CAPN9: variants seen among roughly 807,000 people sequenced by gnomAD.
CAPN9 encodes the protein calpain 9.
A neutral mutation model predicts 92.8 loss-of-function variants in CAPN9; 81 were observed. The ratio of observed to expected loss-of-function variants is 0.87; its 90% CI spans 0.73 to 1.05. The LOEUF is 1.05. CAPN9 is among the 50% of genes least tolerant of loss of function. The probability of loss-of-function intolerance (pLI) is 0.00; values close to 1 mark genes in which losing one functional copy is unlikely to be tolerated. For missense variants in CAPN9, 848 were observed against 866.2 expected (o/e 0.98, Z 0.26); for synonymous variants, 304 against 328.0 (o/e 0.93, Z 0.79).
At chr1:230,776,354 G>C (rs1488286857) in intron 8 of CAPN9, 1 of 152,158 alleles carries the variant, frequency 6.6e-6, no homozygotes, top group Non-Finnish European at 1.5e-5. Context: ...CGAGGGTTAG[G>C]ATTCAACATA....
intron 1 of CAPN9, among the ~76,000 whole-genome samples, chr1:230,755,124 C>T (rs1340028163): frequency 1.3e-5 from 2 of 152,160 alleles, no homozygotes; most frequent in African/African-American, 2.4e-5. Flanking sequence ...AGGACCTCTC[C>T]CCGGCGGAGG....
At chr1:230,751,657 AAGAAAGAAAGAAAGAAAG>A (rs1664836241) in intron 1 of CAPN9, among the ~76,000 whole-genome samples, 1 of 66,372 alleles carries the variant, frequency 1.5e-5, no homozygotes, top group South Asian at 4.1e-4. Flanking sequence ...GAAAGAAAGA[AAGAAAGAAAGAAAGAAAG>A]AAAGAAAGAA....
chr1:230,784,973 A>G (rs1023147018), intron 11 of CAPN9, among the ~76,000 whole-genome samples: 4 of 152,170 alleles, frequency 2.6e-5, no homozygotes, highest in Admixed American at 6.5e-5. Context: ...TTGGGATCCC[A>G]CCCTTTGTAC....
intron 18 of CAPN9, among the ~76,000 whole-genome samples, chr1:230,796,962 A>G (rs576674203): frequency 6.6e-6 from 1 of 152,324 alleles, no homozygotes; most frequent in East Asian, 1.9e-4. Context: ...TTGCTGCAGT[A>G]TTATTTTAAC....
intron 19 of CAPN9, among the ~76,000 whole-genome samples, chr1:230,799,932 A>C (rs774988307): frequency 6.2e-4 from 95 of 152,022 alleles, no homozygotes; most frequent in Non-Finnish European, 1.2e-3. Flanking sequence ...TAATCCCAGC[A>C]CTCTGGGAGG....
chr1:230,760,098 G>T (rs937297545), intron 3 of CAPN9, among the ~76,000 whole-genome samples: 1 of 152,084 alleles, frequency 6.6e-6, no homozygotes. Flanking sequence ...CGTGTGACCC[G>T]CAGACCCTCA....
At chr1:230,796,011 G>C (rs28359730) in intron 18 of CAPN9, among the ~76,000 whole-genome samples, 190 of 147,944 alleles carry the variant, frequency 1.3e-3, no homozygotes, top group African/African-American at 4.7e-3. Context: ...AGGCCACTTC[G>C]AGGTATGAAT....
Position 230,767,728 on chromosome 1 carries a change from C to A in CAPN9, c.705+19C>A, listed in dbSNP as rs1352348917. 9 of 1,609,100 alleles carry A rather than the reference C, an allele frequency of 5.6e-6. No individual in the cohort carries two copies. In the African/African-American group the frequency reaches 1.1e-4, roughly 19 times the overall value. ...CATTGATGTAAGTTGCTCATGGGCT[C>A]CCATTCCAGGCACTATGCTGGGGCT... On this transcript the variant is annotated intron_variant, in intron 5 of 19. Coordinates refer to ENST00000271971, the MANE Select transcript of CAPN9 (RefSeq NM_006615.3).
At chr1:230,787,467 G>T in intron 12 of CAPN9, 55 bp from the exon 13 acceptor site, 1 of 1,499,492 alleles carries the variant, frequency 6.7e-7, no homozygotes, top group Non-Finnish European at 9.3e-7. Flanking sequence ...TGCTATTTTT[G>T]TCATGTTTCT....
chr1:230,767,812 G>GAGTTATGCCCCTCCTTGGGT, intron 5 of CAPN9, 103 bp downstream of exon 5: 1 of 1,111,494 alleles, frequency 9.0e-7, no homozygotes, highest in Non-Finnish European at 1.3e-6. Flanking sequence ...CCACACCCAA[G>GAGTTATGCCCCTCCTTGGGT]GAGGGGCATA....
At chr1:230,766,561 C>G (rs1224285543) in intron 4 of CAPN9, among the ~76,000 whole-genome samples, 1 of 152,136 alleles carries the variant, frequency 6.6e-6, no homozygotes, top group Non-Finnish European at 1.5e-5. Flanking sequence ...ACTGTCACAG[C>G]CACAAAAAGC....
chr1:230,751,206 C>T (rs1461895479), intron 1 of CAPN9, among the ~76,000 whole-genome samples: 1 of 152,190 alleles, frequency 6.6e-6, no homozygotes, highest in Non-Finnish European at 1.5e-5. Flanking sequence ...GGTGAGCTTG[C>T]CGTTCCCTGT....
chr1:230,787,773 A>G (rs931305650), intron 13 of CAPN9, among the ~76,000 whole-genome samples, 171 bp downstream of exon 13: 7 of 152,222 alleles, frequency 4.6e-5, no homozygotes, highest in Admixed American at 1.3e-4. Flanking sequence ...CACCCTGTTT[A>G]CAACATTTAC....
intron 19 of CAPN9, among the ~76,000 whole-genome samples, chr1:230,798,585 C>G (rs979554406): frequency 1.3e-5 from 2 of 152,176 alleles, no homozygotes; most frequent in Admixed American, 1.3e-4. Context: ...TGCTCACTCT[C>G]CCTTGCTCAT....
chr1:230,790,241 C>A, intron 14 of CAPN9, 52 bp downstream of exon 14: 2 of 1,607,314 alleles, frequency 1.2e-6, no homozygotes, highest in Non-Finnish European at 1.7e-6. Context: ...GGACAAGCGA[C>A]CACACTGCCT....
intron 8 of CAPN9, 113 bp downstream of exon 8, chr1:230,774,744 T>TTC (rs1558100247): frequency 2.9e-5 from 17 of 578,400 alleles, no homozygotes; most frequent in African/African-American, 2.0e-4. Flanking sequence ...TCTTTCTTTT[T>TTC]TTTTTTTTTT....
chr1:230,774,460 T>C (rs532607588), intron 7 of CAPN9, 94 bp from the exon 8 acceptor site: 106 of 854,136 alleles, frequency 1.2e-4, no homozygotes, highest in Middle Eastern at 2.5e-4. Flanking sequence ...CAGGTCTTAT[T>C]TCCTCCATAA....
intron 1 of CAPN9, among the ~76,000 whole-genome samples, chr1:230,751,430 G>A (rs1435894726): frequency 1.3e-5 from 2 of 149,616 alleles, no homozygotes; most frequent in South Asian, 4.2e-4. Flanking sequence ...GAGAAAGAAA[G>A]AGAAAAAGAG....
In CAPN9 at chr1:230,768,651, A is replaced by G. The variant is rs184108444; in HGVS notation, c.706-529A>G. On this transcript the variant is annotated intron_variant, in intron 5 of 19. Coordinates refer to ENST00000271971, the MANE Select transcript of CAPN9 (RefSeq NM_006615.3). ...TACAAACACACACACTTATAATTTTATCTCATCTTTTTAAAACTTTTTGTT... is the reference window on the plus strand; with the variant it reads ...TACAAACACACACACTTATAATTTTGTCTCATCTTTTTAAAACTTTTTGTT... Among the ~76,000 whole-genome samples, 155 of 151,156 alleles carry G rather than the reference A, an allele frequency of 1.0e-3. 1 individual carries two copies. Among genetic ancestry groups the G allele is most frequent in the Non-Finnish European group, 2.0e-3 (134 of 67,906 alleles).
Sources: gnomAD v4.1 joint callset for allele counts (sites outside exome capture counted in the v4.1 genomes callset) on GRCh38, gnomAD v4.1.1 for gene constraint, MANE v1.5 for transcripts, NCBI Gene and HGNC (gene_info 2026-07-23, HGNC 2026-07-21) for gene names.